The following RMDN1 variants were observed in gnomAD, a reference collection of about 807,000 sequenced individuals.
RMDN1 encodes regulator of microtubule dynamics 1.
Under a neutral mutation model 48.9 loss-of-function variants are expected in RMDN1, and 48 were observed. The observed-to-expected ratio is 0.98, with a 90% CI of 0.78 to 1.25. The LOEUF (loss-of-function observed/expected upper bound fraction) is 1.25, where lower values mean the gene tolerates loss of function less well. Among genes scored for constraint, RMDN1 ranks in the 50% most tolerant of loss-of-function variants. The pLI, the probability that RMDN1 is intolerant of heterozygous loss-of-function variation, is 0.00. For synonymous variants in RMDN1, 148 were observed against 132.6 expected (o/e 1.12, Z -0.80); for missense variants, 418 against 373.4 (o/e 1.12, Z -0.98).
At chr8:86,493,041 A>G (rs1429397554) in intron 2 of RMDN1, among the ~76,000 whole-genome samples, 1 of 151,962 alleles carries the variant, frequency 6.6e-6, no homozygotes, top group Non-Finnish European at 1.5e-5. Context: ...GATATAGGAC[A>G]AAGAAAAACT....
intron 2 of RMDN1, chr8:86,504,823 T>G: frequency 9.6e-7 from 1 of 1,043,302 alleles, no homozygotes; most frequent in Non-Finnish European, 1.5e-6. Flanking sequence ...AACTTCTTAG[T>G]CGGACTGCTC....
intron 5 of RMDN1, among the ~76,000 whole-genome samples, chr8:86,483,806 T>C (rs1233566865): frequency 6.6e-6 from 1 of 150,868 alleles, no homozygotes; most frequent in Non-Finnish European, 1.5e-5. Flanking sequence ...GAAATAAATA[T>C]GCTGGTATTT....
chr8:86,478,685 C>A, intron 7 of RMDN1: 1 of 468,836 alleles, frequency 2.1e-6, no homozygotes, highest in Non-Finnish European at 3.8e-6. Flanking sequence ...ATTTTAGCCA[C>A]GAGCCATTTT....
intron 3 of RMDN1, among the ~76,000 whole-genome samples, chr8:86,488,107 G>T (rs1815802454): frequency 6.6e-6 from 1 of 152,062 alleles, no homozygotes; most frequent in Non-Finnish European, 1.5e-5. Context: ...GGTATTTTTG[G>T]TTTCTCTGAA....
chr8:86,495,430 G>C (rs1817181026), intron 2 of RMDN1, among the ~76,000 whole-genome samples: 1 of 152,078 alleles, frequency 6.6e-6, no homozygotes, highest in Non-Finnish European at 1.5e-5. Flanking sequence ...GGAGAACAGA[G>C]GGTTTAGCAT....
intron 5 of RMDN1, chr8:86,481,615 C>G: frequency 2.7e-5 from 4 of 150,356 alleles, no homozygotes; most frequent in East Asian, 2.4e-4. Context: ...TTTTGAAAGT[C>G]ATTTGAAAAA....
At chr8:86,468,473 G>A (rs1243279244), downstream of RMDN1, 4 of 426,174 alleles carry the variant, frequency 9.4e-6, no homozygotes, top group Middle Eastern at 3.4e-4. Flanking sequence ...TTATGTGATA[G>A]AGGGAAACTG....
intron 5 of RMDN1, chr8:86,482,867 G>C (rs1239102100): frequency 6.1e-6 from 7 of 1,152,782 alleles, no homozygotes; most frequent in Non-Finnish European, 9.2e-6. Context: ...ACATACAGAA[G>C]GCCCTGGGGT....
chr8:86,469,360 G>C (rs944183396), downstream of RMDN1, among the ~76,000 whole-genome samples: 8 of 152,140 alleles, frequency 5.3e-5, no homozygotes, highest in Admixed American at 1.3e-4. Context: ...ACCCTGACTG[G>C]TAAGTTGCAT....
chr8:86,480,172 A>G (rs1814118557), intron 6 of RMDN1, 105 bp downstream of exon 6: 2 of 571,078 alleles, frequency 3.5e-6, no homozygotes, highest in Non-Finnish European at 6.0e-6. Flanking sequence ...GTCAGATAAT[A>G]TTTTAAAATA....
chr8:86,492,651 T>TTAATAATAATAA (rs71574272), intron 2 of RMDN1, among the ~76,000 whole-genome samples: 4 of 144,288 alleles, frequency 2.8e-5, no homozygotes, highest in African/African-American at 1.0e-4. Flanking sequence ...AGACTCCGCC[T>TTAATAATAATAA]TAATAATAAT....
rs1302297695 is a variant in RMDN1 at position 86,478,966 on chromosome 8, G to C, written c.686C>G (p.Ala229Gly). The change falls in exon 7 of 10, where the codon GCT becomes GGT. Residue 229 changes from alanine to glycine, a missense_variant. Coordinates refer to ENST00000406452, the MANE Select transcript of RMDN1 (RefSeq NM_016033.3). Reference protein sequence around the residue: ...AEMPWYQRRIAKMLFATPPSS... With the variant: ...AEMPWYQRRIGKMLFATPPSS... ...AGGAGGAGTTGCAAACAGCATTTTA[G>C]CAATTCTTCTTTGATACCAAGGCAT... is the stretch of plus-strand genomic sequence containing the variant. 1.2e-6 allele frequency: 2 copies of C among 1,613,844 alleles called. No individual in the cohort carries two copies. Among genetic ancestry groups the C allele is most frequent in the Non-Finnish European group, 1.7e-6 (2 of 1,179,910 alleles).
chr8:86,505,124 G>C, intron 2 of RMDN1: 3 of 1,329,560 alleles, frequency 2.3e-6, no homozygotes, highest in Non-Finnish European at 3.0e-6. Context: ...CCCTGAATGA[G>C]AGACCTCATC....
intron 2 of RMDN1, chr8:86,504,597 C>T (rs1283976759): frequency 6.0e-6 from 6 of 1,001,858 alleles, no homozygotes; most frequent in Admixed American, 1.7e-5. Flanking sequence ...ATATGATAGG[C>T]CTTGGAGGGA....
chr8:86,514,275 T>A, exon 1 of RMDN1: 1 of 985,350 alleles, frequency 1.0e-6, no homozygotes, highest in Non-Finnish European at 1.2e-6. Context: ...AGTAAGCGAC[T>A]GGCCTCCAGA....
intron 6 of RMDN1, among the ~76,000 whole-genome samples, 200 bp downstream of exon 6, chr8:86,480,077 T>C (rs1434901344): frequency 1.3e-5 from 2 of 152,106 alleles, no homozygotes; most frequent in Non-Finnish European, 2.9e-5. Context: ...TGAATAACAA[T>C]GTTTAACATG....
At chr8:86,511,793 G>A (rs1820056183), upstream of RMDN1, among the ~76,000 whole-genome samples, 2 of 145,350 alleles carry the variant, frequency 1.4e-5, no homozygotes, top group Admixed American at 1.4e-4. Flanking sequence ...AGCCTGGCTG[G>A]GTGACAGCAA....
downstream of RMDN1, among the ~76,000 whole-genome samples, chr8:86,471,971 A>G (rs1472935381): frequency 1.3e-5 from 2 of 152,214 alleles, no homozygotes; most frequent in Non-Finnish European, 2.9e-5. Context: ...TGATTTTAGA[A>G]AGCATGAGAC....
intron 8 of RMDN1, among the ~76,000 whole-genome samples, chr8:86,476,694 ATAATCTTTTT>A (rs1362334692): frequency 6.6e-6 from 1 of 152,104 alleles, no homozygotes; most frequent in African/African-American, 2.4e-5. Flanking sequence ...AATGAGATGC[ATAATCTTTTT>A]TTGTTTTTTT....
Sources: allele counts gnomAD v4.1 joint callset (sites outside exome capture counted in the v4.1 genomes callset), GRCh38; gene constraint gnomAD v4.1.1; transcripts MANE v1.5; gene names NCBI Gene and HGNC (gene_info 2026-07-23, HGNC 2026-07-21).